Variants in PINX1 observed in about 807,000 individuals in gnomAD.
The protein encoded by PINX1 is PIN2 (TERF1) interacting telomerase inhibitor 1.
Under a neutral mutation model 25.4 loss-of-function variants are expected in PINX1, and 34 were observed. That is an observed-to-expected ratio of 1.34 (90% CI 1.02 to 1.78). The LOEUF (loss-of-function observed/expected upper bound fraction) is 1.78. Ranked by LOEUF, PINX1 falls within the 40% of genes most tolerant of loss-of-function variation. The pLI, the probability that PINX1 is intolerant of heterozygous loss-of-function variation, is 0.00. For missense variants in PINX1, 592 were observed against 404.9 expected (o/e 1.46, Z -3.97); for synonymous variants, 197 against 147.7 (o/e 1.33, Z -2.42).
chr8:10,791,200 T>C (rs376915226), intron 6 of PINX1, among the ~76,000 whole-genome samples: 3 of 152,294 alleles, frequency 2.0e-5, no homozygotes, highest in Middle Eastern at 3.4e-3. Flanking sequence ...GCATGAGCCA[T>C]CATGCCCAGC....
intron 6 of PINX1, among the ~76,000 whole-genome samples, chr8:10,790,538 C>T (rs1350759935): frequency 1.3e-5 from 2 of 152,160 alleles, no homozygotes; most frequent in Admixed American, 6.5e-5. Context: ...TCCATCCAAG[C>T]TGTCGGAGCC....
chr8:10,824,929 T>C (rs546801966), intron 5 of PINX1, among the ~76,000 whole-genome samples: 193 of 152,316 alleles, frequency 1.3e-3, no homozygotes, highest in Non-Finnish European at 2.1e-3. Flanking sequence ...CAAGGAAGCC[T>C]GTATTCTGTT....
In PINX1 at chr8:10,765,903, G is replaced by A. The variant is rs1215528158; in HGVS notation, c.485C>T (p.Pro162Leu). ...GGTTTCGTTCTCCTCTGGAGTGGAGGGACTGGCATCGCCCTATGGTGGGCA... is the reference window on the plus strand; with the variant it reads ...GGTTTCGTTCTCCTCTGGAGTGGAGAGACTGGCATCGCCCTATGGTGGGCA... ...SKKTPEGDAS[P>L]STPEENETTT... Residue 162 changes from proline (P) to leucine (L), a missense_variant, in exon 7 of 7, where the codon CCC becomes CTC. Transcript: ENST00000314787. 6.2e-7 allele frequency: 1 copy of A among 1,613,672 alleles called. No individual in the cohort carries two copies. Among genetic ancestry groups the A allele is most frequent in the South Asian group, 1.1e-5 (1 of 91,080 alleles).
chr8:10,828,705 C>A (rs73662637), intron 4 of PINX1, among the ~76,000 whole-genome samples: 1 of 152,162 alleles, frequency 6.6e-6, no homozygotes, highest in African/African-American at 2.4e-5. Flanking sequence ...TATTTGTTCA[C>A]GTGCACTCAT....
chr8:10,813,889 G>C (rs115521245), intron 6 of PINX1, among the ~76,000 whole-genome samples: 2 of 149,496 alleles, frequency 1.3e-5, no homozygotes, highest in Admixed American at 1.4e-4. Flanking sequence ...TGGGAAGGTG[G>C]GGGAGGGAAA....
chr8:10,790,313 A>G (rs11250076), intron 6 of PINX1, among the ~76,000 whole-genome samples: 87,420 of 152,092 alleles, frequency 0.57, 27,210 homozygotes, highest in African/African-American at 0.77. Context: ...ATGGCAGAGA[A>G]GGCTCTGACA....
intron 6 of PINX1, among the ~76,000 whole-genome samples, chr8:10,789,200 A>G (rs2129075853): frequency 6.6e-6 from 1 of 152,348 alleles, no homozygotes; most frequent in African/African-American, 2.4e-5. Context: ...CCATGTAACT[A>G]CAGTGTAACT....
intron 4 of PINX1, among the ~76,000 whole-genome samples, chr8:10,827,877 C>A (rs1426392986): frequency 6.9e-6 from 1 of 145,958 alleles, no homozygotes; most frequent in African/African-American, 2.5e-5. Context: ...CGCCACTGCA[C>A]TCCAGCCTGG....
chr8:10,811,794 G>A (rs1049550386), intron 6 of PINX1, among the ~76,000 whole-genome samples: 6 of 152,248 alleles, frequency 3.9e-5, no homozygotes, highest in Non-Finnish European at 8.8e-5. Flanking sequence ...AGCTTCAAGA[G>A]CAAGTGTTCC....
At chr8:10,817,325 C>T (rs939487705) in intron 6 of PINX1, among the ~76,000 whole-genome samples, 6 of 152,154 alleles carry the variant, frequency 3.9e-5, no homozygotes, top group Non-Finnish European at 7.3e-5. Context: ...ACAACATTCC[C>T]GCCAACTGAG....
intron 6 of PINX1, among the ~76,000 whole-genome samples, chr8:10,790,700 C>A (rs535233478): frequency 6.6e-6 from 1 of 152,212 alleles, no homozygotes; most frequent in Non-Finnish European, 1.5e-5. Flanking sequence ...GGAACAGCGA[C>A]CTCTACCTGC....
rs78359061 is a variant in PINX1, at chr8:10,789,934, A to G, written c.472-24018T>C. ...GGTACTGCTTTTATAATTTAAAAAT[A>G]TTTGAAATTAAAAACTCACACCGAA... On this transcript the variant is annotated intron_variant, in intron 6 of 6. Transcript: ENST00000314787. 2.3e-3 allele frequency among the ~76,000 whole-genome samples: 344 copies of G among 152,308 alleles called. 1 individual carries two copies. Among genetic ancestry groups the G allele is most frequent in the African/African-American group, 8.1e-3 (335 of 41,544 alleles).
At chr8:10,766,680 G>A (rs999558049) in intron 6 of PINX1, among the ~76,000 whole-genome samples, 30 of 152,190 alleles carry the variant, frequency 2.0e-4, no homozygotes, top group African/African-American at 6.8e-4. Context: ...GTTTTTAAAT[G>A]TGAGTTACTC....
intron 5 of PINX1, among the ~76,000 whole-genome samples, chr8:10,821,177 A>G (rs1797856586): frequency 6.6e-6 from 1 of 152,250 alleles, no homozygotes; most frequent in Non-Finnish European, 1.5e-5. Flanking sequence ...TCACGCTGGA[A>G]GCCGAGTTCC....
chr8:10,765,241 G>A lies in PINX1; in HGVS notation c.*160C>T, dbSNP rs1036118783. 10 of 598,238 alleles carry A rather than the reference G, an allele frequency of 1.7e-5. No individual in the cohort carries two copies. In the African/African-American group the frequency reaches 1.9e-4, roughly 11 times the overall value. 37.1% of individuals were successfully genotyped at this position (598,238 alleles called of 1,614,324 possible). ...AGGTCCTCCTGGGAATGTAACTTGG[G>A]GGAAATGTGGCGAGAGGGCAGGACT... On this transcript the variant is annotated 3_prime_UTR_variant, in exon 7 of 7. Coordinates refer to ENST00000314787, the MANE Select transcript of PINX1 (RefSeq NM_017884.6).
At chr8:10,809,525 G>A (rs1400851521) in intron 6 of PINX1, among the ~76,000 whole-genome samples, 1 of 152,206 alleles carries the variant, frequency 6.6e-6, no homozygotes, top group African/African-American at 2.4e-5. Context: ...GAGGCTGTGA[G>A]TAACCCATCT....
intron 6 of PINX1, among the ~76,000 whole-genome samples, chr8:10,799,550 C>T (rs1467392518): frequency 1.3e-5 from 2 of 152,186 alleles, no homozygotes; most frequent in African/African-American, 2.4e-5. Context: ...AACTTCAATA[C>T]GCTTTGAAAT....
At chr8:10,826,080 G>A (rs1798028254) in intron 5 of PINX1, 72 bp downstream of exon 5, 3 of 790,658 alleles carry the variant, frequency 3.8e-6, no homozygotes, top group Admixed American at 2.6e-5. Context: ...TTGGCCCAGA[G>A]CTAAAATGCT....
intron 5 of PINX1, chr8:10,821,856 T>C (rs1388881692): frequency 1.3e-5 from 2 of 152,154 alleles, no homozygotes; most frequent in African/African-American, 2.4e-5. Context: ...CTAAAAGGAA[T>C]GCTGGAGGGA....
Sources: allele counts gnomAD v4.1 joint callset (sites outside exome capture counted in the v4.1 genomes callset), GRCh38; gene constraint gnomAD v4.1.1; transcripts MANE v1.5; gene names NCBI Gene and HGNC (gene_info 2026-07-23, HGNC 2026-07-21).